The following TIA1 variants were observed in gnomAD, a reference collection of about 807,000 sequenced individuals.
TIA1 encodes TIA1 cytotoxic granule associated RNA binding protein.
In TIA1, 23 loss-of-function variants were observed where a neutral mutation model predicts 65.9. The observed-to-expected ratio is 0.35, with a 90% CI of 0.25 to 0.49. TIA1 has a LOEUF of 0.49. Among genes scored for constraint, TIA1 ranks in the 20% least tolerant of loss-of-function variants. The probability of loss-of-function intolerance (pLI) is 0.98; values close to 1 mark genes in which losing one functional copy is unlikely to be tolerated. For synonymous variants in TIA1, 147 were observed against 149.4 expected (o/e 0.98, Z 0.12); for missense variants, 371 against 477.9 (o/e 0.78, Z 2.09).
chr2:70,243,722 A>G (rs1352489825), intron 1 of TIA1, among the ~76,000 whole-genome samples: 2 of 152,208 alleles, frequency 1.3e-5, no homozygotes, highest in Non-Finnish European at 2.9e-5. Flanking sequence ...GATAACTGAT[A>G]TTACACATTT....
chr2:70,248,351 C>G, intron 1 of TIA1, 54 bp downstream of exon 1: 1 of 1,584,960 alleles, frequency 6.3e-7, no homozygotes, highest in African/African-American at 1.3e-5. Flanking sequence ...GGGCCGAGGC[C>G]TTCCCTCCGG....
chr2:70,226,348 C>T lies in TIA1; in HGVS notation c.398+1387G>A, dbSNP rs190598332. On this transcript the variant is annotated intron_variant, in intron 6 of 12. Coordinates refer to ENST00000433529, the MANE Select transcript of TIA1 (RefSeq NM_022173.4). ...TTGCCTAATTCCAAACTAAAATTCC[C>T]GTGTTTTCAAAAAAACTACCTCAAT... Among the ~76,000 whole-genome samples the T allele has an allele frequency of 3.2e-4, 49 of 152,154 alleles. No individual in the cohort carries two copies. The East Asian group carries it at 3.9e-3, about 12-fold the overall frequency.
chr2:70,228,249 A>C (rs980316241), intron 5 of TIA1: 2 of 1,000,304 alleles, frequency 2.0e-6, no homozygotes, highest in Non-Finnish European at 2.6e-6. Flanking sequence ...AATTATGTAG[A>C]CTAGATTTGC....
At chr2:70,237,897 C>G (rs1467745695) in intron 1 of TIA1, among the ~76,000 whole-genome samples, 6 of 151,664 alleles carry the variant, frequency 4.0e-5, no homozygotes, top group Admixed American at 6.6e-5. Context: ...TGCGGTGGCT[C>G]ATGCCTGTAA....
intron 1 of TIA1, among the ~76,000 whole-genome samples, chr2:70,243,483 T>C (rs1692824053): frequency 1.3e-5 from 2 of 152,120 alleles, no homozygotes; most frequent in Admixed American, 1.3e-4. Flanking sequence ...GTGTATATAC[T>C]ATACATCAGC....
At chr2:70,234,081 T>C (rs1687723326) in intron 2 of TIA1, among the ~76,000 whole-genome samples, 1 of 152,230 alleles carries the variant, frequency 6.6e-6, no homozygotes, top group Admixed American at 6.6e-5. Context: ...CTAATGATCT[T>C]TCCCCAGGGA....
chr2:70,218,768 T>C (rs911933898), intron 7 of TIA1, among the ~76,000 whole-genome samples: 5 of 152,204 alleles, frequency 3.3e-5, no homozygotes, highest in Non-Finnish European at 7.3e-5. Flanking sequence ...GAGAATGGCT[T>C]AGGATAATGG....
intron 7 of TIA1, among the ~76,000 whole-genome samples, chr2:70,218,114 T>G (rs547263494): frequency 1.3e-5 from 2 of 152,308 alleles, no homozygotes; most frequent in African/African-American, 4.8e-5. Flanking sequence ...GTAAGACCTA[T>G]GACAGAAACA....
chr2:70,225,038 T>A, intron 6 of TIA1: 1 of 976,972 alleles, frequency 1.0e-6, no homozygotes, highest in Non-Finnish European at 1.2e-6. Context: ...TAAAAAAAAA[T>A]AGAAAACTGG....
In TIA1 at chr2:70,210,381, C is replaced by T. The variant is rs548702546; in HGVS notation, c.*2338G>A. 4 of 152,216 alleles carry T rather than the reference C, an allele frequency of 2.6e-5. No homozygotes were observed. In the South Asian group the frequency reaches 8.3e-4, roughly 32 times the overall value. The allele number at this position is 152,216 out of a possible 1,614,324, so 9.4% of individuals were successfully genotyped here. On this transcript the variant is annotated 3_prime_UTR_variant, in exon 13 of 13. Coordinates refer to ENST00000433529, the MANE Select transcript of TIA1 (RefSeq NM_022173.4). Reference sequence around the variant, plus strand: ...AAAACTTTAATTTCCTTACCTGATACTAATACCAGTATGATTTTTAGACGG... The same window carrying T: ...AAAACTTTAATTTCCTTACCTGATATTAATACCAGTATGATTTTTAGACGG...
At chr2:70,224,245 T>C (rs1370237255) in intron 7 of TIA1, among the ~76,000 whole-genome samples, 1 of 152,204 alleles carries the variant, frequency 6.6e-6, no homozygotes, top group East Asian at 1.9e-4. Context: ...TAGCTACTTT[T>C]AAACTACCAT....
chr2:70,213,228 G>A (rs1361145210), intron 12 of TIA1, among the ~76,000 whole-genome samples: 1 of 151,818 alleles, frequency 6.6e-6, no homozygotes, highest in Non-Finnish European at 1.5e-5. Flanking sequence ...GAAAGAGTCA[G>A]GTAGGTTCCC....
chr2:70,219,621 CCAA>C (rs973623493), intron 7 of TIA1, among the ~76,000 whole-genome samples: 120 of 152,110 alleles, frequency 7.9e-4, no homozygotes, highest in African/African-American at 2.8e-3. Flanking sequence ...TAAGCATGCA[CCAA>C]CAAGGTTGGC....
chr2:70,215,652 G>A lies in TIA1; in HGVS notation c.765-158C>T. ...TTTTCAAAGATCTTGTAGTTCTGGG[G>A]CAACTTGTGTTAACAAAGAATGTGT... On this transcript the variant is annotated intron_variant, in intron 10 of 12. Coordinates refer to ENST00000433529, the MANE Select transcript of TIA1 (RefSeq NM_022173.4). The A allele has an allele frequency of 6.2e-6, 4 of 643,456 alleles. No homozygotes were observed. In the South Asian group the frequency reaches 6.7e-5, roughly 11 times the overall value. 39.9% of individuals were successfully genotyped at this position (643,456 alleles called of 1,614,324 possible). A position where few individuals can be genotyped will look rare whatever the true frequency, so the allele number is the denominator to read the frequency against.
At chr2:70,213,499 C>A (rs1239958103) in intron 12 of TIA1, among the ~76,000 whole-genome samples, 2 of 151,718 alleles carry the variant, frequency 1.3e-5, no homozygotes, top group African/African-American at 4.8e-5. Flanking sequence ...CACGCAACCA[C>A]CATGCCTGGC....
At chr2:70,248,263 G>T in intron 1 of TIA1, 142 bp downstream of exon 1, 1 of 909,666 alleles carries the variant, frequency 1.1e-6, no homozygotes, top group Non-Finnish European at 1.6e-6. Context: ...TTGGTTGTAA[G>T]CATCCAGGTG....
At chr2:70,239,849 A>G (rs1317481114) in intron 1 of TIA1, among the ~76,000 whole-genome samples, 1 of 152,244 alleles carries the variant, frequency 6.6e-6, no homozygotes, top group Non-Finnish European at 1.5e-5. Flanking sequence ...TCTGAAAAAG[A>G]GACAGAATTA....
At chr2:70,232,208 C>CAAAAAAA (rs11427986) in intron 2 of TIA1, among the ~76,000 whole-genome samples, 53 of 63,622 alleles carry the variant, frequency 8.3e-4, no homozygotes, top group East Asian at 8.3e-4. Flanking sequence ...GACTCTGTCT[C>CAAAAAAA]AAAAAAAAAA....
chr2:70,214,772 T>C (rs2103889957), intron 11 of TIA1, among the ~76,000 whole-genome samples: 1 of 152,330 alleles, frequency 6.6e-6, no homozygotes, highest in Non-Finnish European at 1.5e-5. Context: ...ATGTTAAACT[T>C]AGTAGAATGT....
Sources: gnomAD v4.1 joint callset for allele counts (sites outside exome capture counted in the v4.1 genomes callset) on GRCh38, gnomAD v4.1.1 for gene constraint, MANE v1.5 for transcripts, NCBI Gene and HGNC (gene_info 2026-07-23, HGNC 2026-07-21) for gene names.